Variants in DLG1 observed in about 807,000 individuals in gnomAD.
DLG1 encodes disks large homolog 1.
In DLG1, 42 loss-of-function variants were observed where a neutral mutation model predicts 123.4. That is an observed-to-expected ratio of 0.34 (90% CI 0.27 to 0.44). The LOEUF is 0.44. Among genes scored for constraint, DLG1 ranks in the 20% least tolerant of loss-of-function variants. The pLI is 1.00. For missense variants in DLG1, 942 were observed against 1,082.6 expected (o/e 0.87, Z 1.82); for synonymous variants, 317 against 356.2 (o/e 0.89, Z 1.24).
At chr3:197,196,027 G>T (rs1365448191) in intron 4 of DLG1, among the ~76,000 whole-genome samples, 1 of 151,946 alleles carries the variant, frequency 6.6e-6, no homozygotes, top group African/African-American at 2.4e-5. Flanking sequence ...AGGGCAGTTT[G>T]GCAGTATGTT....
intron 16 of DLG1, among the ~76,000 whole-genome samples, chr3:197,084,245 T>C (rs1207139975): frequency 6.6e-6 from 1 of 152,126 alleles, no homozygotes; most frequent in Non-Finnish European, 1.5e-5. Flanking sequence ...ACTGATTTAA[T>C]ATATACTTAC....
In DLG1 at chr3:197,253,978, CAAAG is replaced by C. The variant is rs1380186733; in HGVS notation, c.318+28697_318+28700del. The stretch of plus-strand genomic sequence containing the variant: ...CACACGAAGGAAAGAATCTAAACCC[CAAAG>C]AAAGAAGCCTTTTGTAAGAAGGCAG... On this transcript the variant is annotated intron_variant, in intron 4 of 24. Transcript: ENST00000667157. Among the ~76,000 whole-genome samples, 10 of 151,168 alleles carry C rather than the reference CAAAG, an allele frequency of 6.6e-5. No individual in the cohort carries two copies. In the South Asian group the frequency reaches 1.9e-3, roughly 29 times the overall value.
chr3:197,278,587 A>G (rs1767678589), intron 4 of DLG1, among the ~76,000 whole-genome samples: 1 of 152,150 alleles, frequency 6.6e-6, no homozygotes, highest in African/African-American at 2.4e-5. Context: ...CTCAAAGTAA[A>G]AGATAATATA....
At chr3:197,134,078 G>C (rs186094113) in intron 10 of DLG1, among the ~76,000 whole-genome samples, 4 of 152,190 alleles carry the variant, frequency 2.6e-5, no homozygotes, top group Admixed American at 6.5e-5. Flanking sequence ...GAGAAAACTA[G>C]TGCAACAGAA....
chr3:197,276,846 GCCTT>G (rs771434321), intron 4 of DLG1, among the ~76,000 whole-genome samples: 2 of 151,872 alleles, frequency 1.3e-5, no homozygotes, highest in Non-Finnish European at 2.9e-5. Flanking sequence ...GGTTAGAAAA[GCCTT>G]CCTTATTAAA....
At chr3:197,133,286 C>A in intron 10 of DLG1, among the ~76,000 whole-genome samples, 1 of 152,106 alleles carries the variant, frequency 6.6e-6, no homozygotes, top group Non-Finnish European at 1.5e-5. Flanking sequence ...TCACCCTAAC[C>A]ACGCAAAGAG....
At chr3:197,235,377 A>G (rs990555016) in intron 4 of DLG1, among the ~76,000 whole-genome samples, 1 of 152,260 alleles carries the variant, frequency 6.6e-6, no homozygotes, top group African/African-American at 2.4e-5. Context: ...TCTGAATACT[A>G]ATCAACACGT....
chr3:197,115,344 G>A (rs1288000127), intron 13 of DLG1, among the ~76,000 whole-genome samples: 1 of 151,196 alleles, frequency 6.6e-6, no homozygotes, highest in Non-Finnish European at 1.5e-5. Flanking sequence ...AGTAAGAAGA[G>A]GAGAAAAGAT....
At chr3:197,215,174 T>C (rs957673174) in intron 4 of DLG1, among the ~76,000 whole-genome samples, 14 of 152,200 alleles carry the variant, frequency 9.2e-5, no homozygotes, top group African/African-American at 3.1e-4. Context: ...TCTAAAGCTT[T>C]AGTAATTAAG....
chr3:197,281,125 C>T (rs1769154342), intron 4 of DLG1, among the ~76,000 whole-genome samples: 1 of 151,656 alleles, frequency 6.6e-6, no homozygotes, highest in African/African-American at 2.4e-5. Flanking sequence ...GCAACCTCCG[C>T]CTCCCAGGTT....
chr3:197,292,196 A>C (rs1775267538), intron 3 of DLG1, among the ~76,000 whole-genome samples: 1 of 152,222 alleles, frequency 6.6e-6, no homozygotes, highest in Non-Finnish European at 1.5e-5. Context: ...TATTCACAAC[A>C]GCCAGGAGGA....
At chr3:197,125,306 C>T (rs565544078) in intron 11 of DLG1, among the ~76,000 whole-genome samples, 44 of 152,066 alleles carry the variant, frequency 2.9e-4, no homozygotes, top group South Asian at 6.2e-4. Flanking sequence ...TATGGCCATA[C>T]GTAAAAAGCA....
chr3:197,288,741 A>ATACATACATACAT lies in DLG1; in HGVS notation c.152-5897_152-5896insATGTATGTATGTA, dbSNP rs1213910267. Among the ~76,000 whole-genome samples, 440 of 63,168 alleles carry ATACATACATACAT rather than the reference A, an allele frequency of 7.0e-3. 1 individual carries two copies. Among genetic ancestry groups the ATACATACATACAT allele is most frequent in the African/African-American group, 0.032 (401 of 12,612 alleles). 41.4% of individuals were successfully genotyped at this position (63,168 alleles called of 152,430 possible). A position where few individuals can be genotyped will look rare whatever the true frequency, so the allele number is the denominator to read the frequency against. ...TCTCAAAAAAAAAAAAAAAAAAAAA[A>ATACATACATACAT]AAATACATACATACATACATACATA... On this transcript the variant is annotated intron_variant, in intron 3 of 24. Coordinates refer to ENST00000667157, the MANE Select transcript of DLG1 (RefSeq NM_001366207.1).
rs141054958 is a variant in DLG1, at chr3:197,189,006, G to T, written c.483+5419C>A. On this transcript the variant is annotated intron_variant, in intron 5 of 24. Coordinates refer to ENST00000667157, the MANE Select transcript of DLG1 (RefSeq NM_001366207.1). ...GCATCTGCCACAGTAACCTAGGAAT[G>T]AAAGAGGGGAAGCAGGTAGAAATTC... Among the ~76,000 whole-genome samples the T allele has an allele frequency of 2.6e-5, 4 of 152,278 alleles. No homozygotes were observed. The East Asian group carries it at 7.7e-4, about 29-fold the overall frequency.
chr3:197,159,044 C>G (rs1026578302), intron 5 of DLG1, among the ~76,000 whole-genome samples: 2 of 152,132 alleles, frequency 1.3e-5, no homozygotes, highest in African/African-American at 4.8e-5. Context: ...CTGTCACCTA[C>G]TCTGTACTCA....
At chr3:197,159,767 A>G (rs1798037428) in intron 5 of DLG1, among the ~76,000 whole-genome samples, 1 of 152,182 alleles carries the variant, frequency 6.6e-6, no homozygotes, top group African/African-American at 2.4e-5. Context: ...AAATGGTAAA[A>G]CTATCTTTCA....
chr3:197,108,929 T>C (rs950772110), intron 13 of DLG1, among the ~76,000 whole-genome samples: 1 of 152,248 alleles, frequency 6.6e-6, no homozygotes, highest in East Asian at 1.9e-4. Context: ...TTTCTTTCTC[T>C]ATTCCTCAAT....
At chr3:197,101,057 C>T (rs571326935) in intron 14 of DLG1, among the ~76,000 whole-genome samples, 4 of 152,100 alleles carry the variant, frequency 2.6e-5, no homozygotes, top group East Asian at 1.9e-4. Context: ...CTTCTGTTGC[C>T]TCTTGCATCC....
intron 11 of DLG1, among the ~76,000 whole-genome samples, chr3:197,128,817 A>G (rs895454344): frequency 2.2e-4 from 33 of 152,236 alleles, no homozygotes; most frequent in African/African-American, 7.7e-4. Context: ...GTCTCAGAGC[A>G]CTAATATTTT....
Sources: gnomAD v4.1 joint callset for allele counts (sites outside exome capture counted in the v4.1 genomes callset) on GRCh38, gnomAD v4.1.1 for gene constraint, MANE v1.5 for transcripts, NCBI Gene and HGNC (gene_info 2026-07-23, HGNC 2026-07-21) for gene names.